Variants in ADAMTSL3 observed in about 807,000 individuals in gnomAD.
ADAMTSL3 encodes the protein ADAMTS like 3, also known as ADAMTS-like protein 3.
In ADAMTSL3, 128 loss-of-function variants were observed where a neutral mutation model predicts 201.7. That is an observed-to-expected ratio of 0.63 (90% confidence interval 0.55 to 0.73). The LOEUF (loss-of-function observed/expected upper bound fraction) is 0.73, where lower values mean the gene tolerates loss of function less well. Among genes scored for constraint, ADAMTSL3 ranks in the 30% least tolerant of loss-of-function variants. The pLI, the probability that ADAMTSL3 is intolerant of heterozygous loss-of-function variation, is 0.00. For synonymous variants in ADAMTSL3, 738 were observed against 748.4 expected (o/e 0.99, Z 0.23); for missense variants, 1,990 against 2,119.6 (o/e 0.94, Z 1.20).
In ADAMTSL3 at chr15:84,025,321, A is replaced by G. The variant is rs762001895; in HGVS notation, c.4541A>G (p.Lys1514Arg). Residue 1514 changes from lysine (K) to arginine (R), a missense_variant, in exon 27 of 30, where the codon AAA becomes AGA. Transcript: ENST00000286744. ...CGGCAGGTGACGTGCAAGCGGACAA[A>G]AGCCAATGGAACTGTGCAGGTGGTG... is the stretch of plus-strand genomic sequence containing the variant. ...HSRQVTCKRT[K>R]ANGTVQVVSP... The G allele has an allele frequency of 6.2e-7, 1 of 1,614,188 alleles. No homozygotes were observed. The highest frequency in any genetic ancestry group is 8.5e-7 in the Non-Finnish European group (1 of 1,180,024).
chr15:83,716,143 C>T (rs2062014609), intron 3 of ADAMTSL3, among the ~76,000 whole-genome samples: 1 of 152,184 alleles, frequency 6.6e-6, no homozygotes, highest in Non-Finnish European at 1.5e-5. Flanking sequence ...GATCTACTTC[C>T]AGGAGTGACA....
At chr15:83,814,501 CT>C (rs1007095887) in intron 5 of ADAMTSL3, among the ~76,000 whole-genome samples, 11 of 152,206 alleles carry the variant, frequency 7.2e-5, no homozygotes, top group Non-Finnish European at 1.5e-4. Context: ...TGCTGTTTCT[CT>C]TTTGTTACGT....
chr15:83,682,366 G>A (rs562949486), intron 2 of ADAMTSL3, among the ~76,000 whole-genome samples: 1 of 152,354 alleles, frequency 6.6e-6, no homozygotes, highest in African/African-American at 2.4e-5. Context: ...GTGGTATCCA[G>A]ACCAGAAGGT....
chr15:83,813,543 G>A (rs2063728953), intron 5 of ADAMTSL3, among the ~76,000 whole-genome samples: 1 of 152,178 alleles, frequency 6.6e-6, no homozygotes, highest in South Asian at 2.1e-4. Flanking sequence ...GTGTGCAGGA[G>A]ATCATGCCTC....
At chr15:83,950,735 A>C (rs988004887) in intron 19 of ADAMTSL3, among the ~76,000 whole-genome samples, 1 of 151,848 alleles carries the variant, frequency 6.6e-6, no homozygotes, top group African/African-American at 2.4e-5. Flanking sequence ...GGTTAAGTTG[A>C]TTACTTGGTA....
At chr15:83,809,065 G>A (rs1256427475) in intron 5 of ADAMTSL3, among the ~76,000 whole-genome samples, 1 of 152,084 alleles carries the variant, frequency 6.6e-6, no homozygotes, top group East Asian at 1.9e-4. Flanking sequence ...TTGGTGTCCT[G>A]TTGCACAGTG....
chr15:83,731,010 A>G (rs1453610174), intron 3 of ADAMTSL3, among the ~76,000 whole-genome samples: 2 of 152,026 alleles, frequency 1.3e-5, no homozygotes, highest in African/African-American at 4.8e-5. Flanking sequence ...AGTTTTCCAA[A>G]CACTATTTAT....
At chr15:83,741,633 TA>T (rs1219529606) in intron 3 of ADAMTSL3, among the ~76,000 whole-genome samples, 1 of 152,174 alleles carries the variant, frequency 6.6e-6, no homozygotes, top group Non-Finnish European at 1.5e-5. Context: ...ATAATCAATC[TA>T]AACATTTAAG....
At chr15:84,036,163 G>C (rs547050518) in intron 28 of ADAMTSL3, among the ~76,000 whole-genome samples, 1 of 152,264 alleles carries the variant, frequency 6.6e-6, no homozygotes, top group Admixed American at 6.5e-5. Context: ...TCTTTAGCAT[G>C]TGTCTTTTCA....
intron 23 of ADAMTSL3, among the ~76,000 whole-genome samples, chr15:84,001,952 C>G (rs1184942592): frequency 1.3e-5 from 2 of 152,188 alleles, no homozygotes; most frequent in Non-Finnish European, 2.9e-5. Flanking sequence ...CCTCACCTCA[C>G]CCTTAATATA....
chr15:83,788,702 G>A (rs1349226603), intron 4 of ADAMTSL3, among the ~76,000 whole-genome samples: 2 of 152,096 alleles, frequency 1.3e-5, no homozygotes, highest in African/African-American at 2.4e-5. Context: ...TTCATTTGTT[G>A]TATTGGACAC....
intron 9 of ADAMTSL3, among the ~76,000 whole-genome samples, chr15:83,883,345 G>A (rs1291434596): frequency 1.3e-5 from 2 of 151,016 alleles, no homozygotes; most frequent in Non-Finnish European, 3.0e-5. Context: ...GCTAATTTTT[G>A]TATTTTTAGT....
intron 21 of ADAMTSL3, among the ~76,000 whole-genome samples, chr15:83,988,464 A>C (rs2067521985): frequency 6.6e-6 from 1 of 152,208 alleles, no homozygotes; most frequent in African/African-American, 2.4e-5. Context: ...ATCTCTAAGC[A>C]CTGTTGAGCT....
At chr15:83,849,246 C>T (rs1400338688) in intron 7 of ADAMTSL3, among the ~76,000 whole-genome samples, 1 of 152,158 alleles carries the variant, frequency 6.6e-6, no homozygotes, top group African/African-American at 2.4e-5. Flanking sequence ...CCTGCCTCAG[C>T]CTCTTAAGTA....
At chr15:83,879,976 A>T (rs1474854523) in intron 9 of ADAMTSL3, among the ~76,000 whole-genome samples, 1 of 152,054 alleles carries the variant, frequency 6.6e-6, no homozygotes, top group African/African-American at 2.4e-5. Context: ...TTGTCTTCTG[A>T]CTTCAGTTTA....
At chr15:83,817,423 A>G (rs906360354) in intron 5 of ADAMTSL3, among the ~76,000 whole-genome samples, 2 of 152,252 alleles carry the variant, frequency 1.3e-5, no homozygotes, top group East Asian at 3.8e-4. Context: ...AGATACATTT[A>G]AGTATTTATC....
In ADAMTSL3 at chr15:83,946,993, G is replaced by A. The variant is rs192070625; in HGVS notation, c.2490+3911G>A. Among the ~76,000 whole-genome samples the A allele has an allele frequency of 2.6e-5, 4 of 152,330 alleles. No homozygotes were observed. The East Asian group carries it at 7.7e-4, about 29-fold the overall frequency. On this transcript the variant is annotated intron_variant, in intron 19 of 29. Coordinates refer to ENST00000286744, the MANE Select transcript of ADAMTSL3 (RefSeq NM_207517.3). ...CAGCCTGTGACACCAAAAGCCATTG[G>A]TGAGGCTTGAGCGCAGTCAGGCACA...
intron 2 of ADAMTSL3, among the ~76,000 whole-genome samples, chr15:83,668,262 A>G (rs899678680): frequency 1.9e-4 from 29 of 151,600 alleles, no homozygotes; most frequent in African/African-American, 6.6e-4. Flanking sequence ...GAGAACAGAA[A>G]ATATTCAACA....
intron 2 of ADAMTSL3, among the ~76,000 whole-genome samples, chr15:83,683,763 A>G (rs2061504620): frequency 6.6e-6 from 1 of 152,184 alleles, no homozygotes; most frequent in Non-Finnish European, 1.5e-5. Context: ...CTCTAAGGTC[A>G]GTAGCGCTCC....
Sources: allele counts gnomAD v4.1 joint callset (sites outside exome capture counted in the v4.1 genomes callset), GRCh38; gene constraint gnomAD v4.1.1; transcripts MANE v1.5; gene names NCBI Gene and HGNC (gene_info 2026-07-23, HGNC 2026-07-21).